PHF8: variants seen among roughly 807,000 people sequenced by gnomAD.
PHF8 encodes PHD finger protein 8.
PHF8 carries 9 observed loss-of-function variants against 74.4 expected under a neutral mutation model. That is an observed-to-expected ratio of 0.12 (90% CI 0.07 to 0.21). The LOEUF is 0.21. Ranked by LOEUF, PHF8 falls within the 10% of genes least tolerant of loss-of-function variation. PHF8 has a pLI of 1.00. For synonymous variants in PHF8, 311 were observed against 316.6 expected (o/e 0.98, Z 0.19); for missense variants, 478 against 816.6 (o/e 0.59, Z 5.05).
intron 8 of PHF8, among the ~76,000 whole-genome samples, chrX:54,006,279 C>T (rs2065896541): frequency 9.0e-6 from 1 of 110,921 alleles, no homozygotes; most frequent in Non-Finnish European, 1.9e-5. Flanking sequence ...CTCAGGAGTT[C>T]AAGACCAGCC....
chrX:53,941,970 T>C (rs1557083668), intron 20 of PHF8, among the ~76,000 whole-genome samples: 1 of 111,742 alleles, frequency 8.9e-6, no homozygotes. Context: ...ACTGCATTTC[T>C]GTCCCTTTTT....
In PHF8 at chrX:53,938,489, C is replaced by A. The variant is rs1387446945; in HGVS notation, c.*669G>T. On this transcript the variant is annotated 3_prime_UTR_variant, in exon 22 of 22. Coordinates refer to ENST00000338154, the MANE Select transcript of PHF8 (RefSeq NM_015107.3). ...GGCTTGGGCATCTGACCTCTCCCTACCTTGACAAGTGATAGGAATCACCTT... is the reference window on the plus strand; with the variant it reads ...GGCTTGGGCATCTGACCTCTCCCTAACTTGACAAGTGATAGGAATCACCTT... The A allele has an allele frequency of 6.5e-6, 5 of 766,029 alleles. No homozygotes were observed. In the Admixed American group the frequency reaches 4.1e-4, roughly 63 times the overall value. The allele number at this position is 766,029 out of a possible 1,213,427, so 63.1% of individuals were successfully genotyped here. A position where few individuals can be genotyped will look rare whatever the true frequency, so the allele number is the denominator to read the frequency against.
intron 19 of PHF8, among the ~76,000 whole-genome samples, chrX:53,957,290 T>C (rs7061296): frequency 0.13 from 13,725 of 108,274 alleles, 897 homozygotes; most frequent in African/African-American, 0.24. Flanking sequence ...GAGGCGGAGG[T>C]TGCAGTGGGC....
chrX:53,990,842 A>G (rs1267979119), intron 14 of PHF8, among the ~76,000 whole-genome samples: 7 of 111,291 alleles, frequency 6.3e-5, no homozygotes, highest in African/African-American at 2.0e-4. Context: ...CCCTGCCTCT[A>G]TGTATTTCAG....
chrX:54,044,877 C>T (rs1330348926), upstream of PHF8: 5 of 1,154,861 alleles, frequency 4.3e-6, no homozygotes, highest in African/African-American at 9.0e-5. Flanking sequence ...GTACTCACCG[C>T]GGCTCCTGTT....
chrX:54,018,453 C>CTTT (rs781948184), intron 4 of PHF8, among the ~76,000 whole-genome samples: 5 of 76,699 alleles, frequency 6.5e-5, no homozygotes, highest in Non-Finnish European at 1.3e-4. Flanking sequence ...GAGTCCCTGT[C>CTTT]TTTTTTTTTT....
chrX:54,001,964 T>G (rs1357906276), intron 10 of PHF8, among the ~76,000 whole-genome samples, 191 bp downstream of exon 10: 3 of 111,252 alleles, frequency 2.7e-5, no homozygotes, highest in Non-Finnish European at 5.7e-5. Flanking sequence ...GGAGATTTTT[T>G]TTAAAGCACT....
intron 2 of PHF8, among the ~76,000 whole-genome samples, chrX:54,025,614 G>A (rs371542816): frequency 9.0e-6 from 1 of 111,371 alleles, no homozygotes; most frequent in South Asian, 3.8e-4. Flanking sequence ...CAGGCACTTA[G>A]TTCTTTGATC....
intron 2 of PHF8, among the ~76,000 whole-genome samples, chrX:54,033,932 A>C (rs1433790026): frequency 9.0e-6 from 1 of 111,416 alleles, no homozygotes; most frequent in Non-Finnish European, 1.9e-5. Context: ...TCAAATAAAA[A>C]AAAAAAGAAA....
chrX:54,048,220 G>A (rs1055110624), upstream of PHF8, among the ~76,000 whole-genome samples: 7 of 108,855 alleles, frequency 6.4e-5, no homozygotes, highest in Non-Finnish European at 1.3e-4. Flanking sequence ...AAAGCCCTAA[G>A]ATGGGGGCAA....
At chrX:53,986,188 G>A (rs2065562260) in intron 16 of PHF8, among the ~76,000 whole-genome samples, 1 of 112,764 alleles carries the variant, frequency 8.9e-6, no homozygotes, top group Admixed American at 9.3e-5. Context: ...AATAATTTGT[G>A]TAAGGTCACA....
intron 6 of PHF8, 82 bp from the exon 7 acceptor site, chrX:54,014,645 G>A (rs1161106062): frequency 1.5e-6 from 1 of 663,634 alleles, no homozygotes; most frequent in Non-Finnish European, 2.4e-6. Context: ...CCACAGTTCA[G>A]TGAGGGTCAG....
Position 53,985,883 on chromosome X carries a change from C to T in PHF8, c.2062G>A (p.Ala688Thr), listed in dbSNP as rs782217443. 14 of 1,208,221 alleles carry T rather than the reference C, an allele frequency of 1.2e-5. No individual in the cohort carries two copies. The South Asian group carries it at 1.9e-4, about 17-fold the overall frequency. ...TTGAGCAGATCAAGAATGCCACCAGCGCCACTACCATTCCCAAGCTTGCCT... is the reference window on the plus strand; with the variant it reads ...TTGAGCAGATCAAGAATGCCACCAGTGCCACTACCATTCCCAAGCTTGCCT... ...VEGKLGNGSG[A>T]GGILDLLKAS... Residue 688 changes from alanine to threonine, a missense_variant, in exon 17 of 22, where the codon GCT becomes ACT. By Grantham distance (58) the Ala-to-Thr change is moderately conservative. Coordinates refer to ENST00000338154, the MANE Select transcript of PHF8 (RefSeq NM_015107.3).
At chrX:53,944,818 C>T (rs1393313594) in intron 19 of PHF8, among the ~76,000 whole-genome samples, 8 of 110,539 alleles carry the variant, frequency 7.2e-5, no homozygotes, top group African/African-American at 2.6e-4. Context: ...GCCAGGAGTT[C>T]GAGACCAGCC....
chrX:53,956,265 G>A (rs1197536278), intron 19 of PHF8, among the ~76,000 whole-genome samples: 3 of 111,471 alleles, frequency 2.7e-5, no homozygotes, highest in African/African-American at 9.8e-5. Flanking sequence ...AAAAAAGTCT[G>A]TGGTTTTTCT....
In PHF8 at chrX:54,017,713, G is replaced by C. The variant is rs1557108640; in HGVS notation, c.402C>G (p.Gly134=). Residue 134 remains glycine (G), a synonymous_variant, in exon 5 of 22, where the codon GGC becomes GGG. Coordinates refer to ENST00000338154, the MANE Select transcript of PHF8 (RefSeq NM_015107.3). ...PILVLKKDGL[G]MTLPSPSFTV... ...TGAATGATGGCGAGGGCAGCGTCAT[G>C]CCCAACCCATCCTTCTTCAGGACCA... is the stretch of plus-strand genomic sequence containing the variant. 1.7e-6 allele frequency: 2 copies of C among 1,208,864 alleles called. No homozygotes were observed. Among genetic ancestry groups the C allele is most frequent in the Non-Finnish European group, 2.2e-6 (2 of 892,885 alleles).
At chrX:54,009,844 G>GGGAAAAAAAAAAAAAAAAAAAAAAAAAA (rs2065952773) in intron 8 of PHF8, among the ~76,000 whole-genome samples, 1 of 9,383 alleles carries the variant, frequency 1.1e-4, no homozygotes, top group African/African-American at 1.6e-4. Context: ...CTCTGTCTCA[G>GGGAAAAAAAAAAAAAAAAAAAAAAAAAA]AAAAAAAAAA....
intron 20 of PHF8, 21 bp from the exon 21 acceptor site, chrX:53,940,537 G>C (rs1287715298): frequency 9.3e-7 from 1 of 1,077,716 alleles, no homozygotes; most frequent in Admixed American, 2.3e-5. Flanking sequence ...AGCCAAGTAG[G>C]AGGAGAGATT....
chrX:54,020,396 G>A (rs782282922), intron 4 of PHF8, among the ~76,000 whole-genome samples: 3 of 110,952 alleles, frequency 2.7e-5, no homozygotes, highest in East Asian at 5.7e-4. Context: ...CAACTTAAAC[G>A]TCCCTCAGTA....
Sources: allele counts gnomAD v4.1 joint callset (sites outside exome capture counted in the v4.1 genomes callset), GRCh38; gene constraint gnomAD v4.1.1; transcripts MANE v1.5; gene names NCBI Gene and HGNC (gene_info 2026-07-23, HGNC 2026-07-21).